The following TLL2 variants were observed in gnomAD, a reference collection of about 807,000 sequenced individuals.
TLL2 encodes tolloid-like protein 2.
In TLL2, 106 loss-of-function variants were observed where a neutral mutation model predicts 123.0. The observed-to-expected ratio is 0.86, with a 90% CI of 0.74 to 1.01. The LOEUF is 1.01. Among genes scored for constraint, TLL2 ranks in the 50% least tolerant of loss-of-function variants. The pLI is 0.00. For synonymous variants in TLL2, 494 were observed against 516.8 expected (o/e 0.96, Z 0.60); for missense variants, 1,332 against 1,336.7 (o/e 1.00, Z 0.06).
intron 6 of TLL2, among the ~76,000 whole-genome samples, chr10:96,421,938 T>A (rs192491078): frequency 2.0e-5 from 3 of 152,202 alleles, no homozygotes; most frequent in African/African-American, 7.2e-5. Context: ...CAATCCTAAA[T>A]AGCTCACAAT....
chr10:96,446,000 T>C lies in TLL2; in HGVS notation c.364+91A>G, dbSNP rs1174804720. 33 of 1,283,244 alleles carry C rather than the reference T, an allele frequency of 2.6e-5. No homozygotes were observed. In the South Asian group the frequency reaches 2.8e-4, roughly 11 times the overall value. The allele number at this position is 1,283,244 out of a possible 1,614,324, so 79.5% of individuals were successfully genotyped here. ...ATGTACTTAATGCCACTAAAGGGTA[T>C]GCTTTAAAATGGTAAGTCTTATGTC... On this transcript the variant is annotated intron_variant, in intron 3 of 20. Transcript: ENST00000357947.
intron 1 of TLL2, among the ~76,000 whole-genome samples, chr10:96,511,917 G>A (rs1352230351): frequency 1.3e-5 from 2 of 152,154 alleles, no homozygotes. Context: ...CCTCTTTTCA[G>A]GGCCAGGCTG....
chr10:96,418,141 A>T (rs569001330), intron 7 of TLL2, among the ~76,000 whole-genome samples: 2 of 152,320 alleles, frequency 1.3e-5, no homozygotes, highest in East Asian at 1.9e-4. Context: ...CTGATGGTTC[A>T]CATTGACAAT....
chr10:96,428,485 T>A (rs961071443), intron 5 of TLL2, 146 bp downstream of exon 5: 2 of 605,632 alleles, frequency 3.3e-6, no homozygotes, highest in Non-Finnish European at 5.8e-6. Context: ...TGGATTGTAA[T>A]TTCACCAAGG....
chr10:96,496,618 A>G (rs1160615874), intron 1 of TLL2, among the ~76,000 whole-genome samples: 1 of 152,186 alleles, frequency 6.6e-6, no homozygotes. Flanking sequence ...CTCCTCATCT[A>G]TATCATAATA....
intron 7 of TLL2, among the ~76,000 whole-genome samples, chr10:96,420,533 G>A (rs1253429206): frequency 6.6e-6 from 1 of 152,150 alleles, no homozygotes; most frequent in African/African-American, 2.4e-5. Context: ...AAAATGAATC[G>A]ATGATTTACA....
At chr10:96,502,500 T>A (rs1037952271) in intron 1 of TLL2, among the ~76,000 whole-genome samples, 1 of 152,058 alleles carries the variant, frequency 6.6e-6, no homozygotes, top group Non-Finnish European at 1.5e-5. Context: ...GGAAACAGAA[T>A]TGACAGCACT....
At chr10:96,458,353 G>A (rs1447904169) in intron 2 of TLL2, among the ~76,000 whole-genome samples, 2 of 151,778 alleles carry the variant, frequency 1.3e-5, no homozygotes, top group Admixed American at 6.6e-5. Context: ...TTGGGAAGCC[G>A]AGGCAGGCAG....
chr10:96,424,412 A>G (rs1462111741), intron 5 of TLL2, among the ~76,000 whole-genome samples: 1 of 152,176 alleles, frequency 6.6e-6, no homozygotes, highest in African/African-American at 2.4e-5. Context: ...GTATCAAAAC[A>G]TCTCGGGTAC....
At chr10:96,388,259 G>C (rs1846256345) in intron 13 of TLL2, among the ~76,000 whole-genome samples, 1 of 152,020 alleles carries the variant, frequency 6.6e-6, no homozygotes, top group Non-Finnish European at 1.5e-5. Context: ...AAATTAGCCG[G>C]GAGTGGTGGT....
intron 20 of TLL2, among the ~76,000 whole-genome samples, chr10:96,368,633 A>G (rs1421494363): frequency 6.6e-6 from 1 of 152,216 alleles, no homozygotes; most frequent in Non-Finnish European, 1.5e-5. Flanking sequence ...CTGACAGTAA[A>G]GGATGCACCA....
At chr10:96,425,027 G>T (rs1554935435) in intron 5 of TLL2, among the ~76,000 whole-genome samples, 1 of 149,236 alleles carries the variant, frequency 6.7e-6, no homozygotes, top group African/African-American at 2.5e-5. Context: ...TTCACAGAGA[G>T]TTATCTAAAT....
At chr10:96,445,489 T>C (rs1846889804) in intron 3 of TLL2, among the ~76,000 whole-genome samples, 1 of 152,178 alleles carries the variant, frequency 6.6e-6, no homozygotes, top group Non-Finnish European at 1.5e-5. Flanking sequence ...AACCAGCACC[T>C]CACCTGCTTC....
chr10:96,434,212 C>T (rs75382715), intron 3 of TLL2, among the ~76,000 whole-genome samples: 3,821 of 152,260 alleles, frequency 0.025, 147 homozygotes, highest in African/African-American at 0.086. Context: ...AATTCACACA[C>T]CCTATTTAGC....
intron 7 of TLL2, among the ~76,000 whole-genome samples, chr10:96,416,686 A>G (rs111329547): frequency 2.8e-3 from 422 of 152,282 alleles, no homozygotes; most frequent in Middle Eastern, 6.8e-3. Flanking sequence ...ATTGGCTCAC[A>G]CTCAGACCGC....
intron 18 of TLL2, among the ~76,000 whole-genome samples, chr10:96,375,072 T>G (rs984576250): frequency 6.6e-6 from 1 of 150,900 alleles, no homozygotes; most frequent in Non-Finnish European, 1.5e-5. Context: ...TTCAGAAGAA[T>G]GACTCCCACA....
chr10:96,504,994 C>T (rs191628979), intron 1 of TLL2, among the ~76,000 whole-genome samples: 213 of 151,992 alleles, frequency 1.4e-3, no homozygotes, highest in African/African-American at 4.9e-3. Context: ...GGCGACAGAG[C>T]GAGACTCCGT....
chr10:96,459,697 A>T (rs1297114036), intron 2 of TLL2, among the ~76,000 whole-genome samples: 4,054 of 58,068 alleles, frequency 0.07, 233 homozygotes, highest in Non-Finnish European at 0.1. Flanking sequence ...AAAAAAAAAA[A>T]AAAAAAAAAT....
rs577845874 is a variant in TLL2 at position 96,365,142 on chromosome 10, T to A, written c.*2946A>T. 1 of 152,342 alleles carries A rather than the reference T, an allele frequency of 6.6e-6. No individual in the cohort carries two copies. Among genetic ancestry groups the A allele is most frequent in the East Asian group, 1.9e-4 (1 of 5,194 alleles). 9.4% of individuals were successfully genotyped at this position (152,342 alleles called of 1,614,324 possible). ...ATCACAGAAAGAATCTTACAATGTT[T>A]TTTAAAAAGTTTACGAATTTGTGTC... On this transcript the variant is annotated 3_prime_UTR_variant, in exon 21 of 21. Transcript: ENST00000357947.
Sources: gnomAD v4.1 joint callset for allele counts (sites outside exome capture counted in the v4.1 genomes callset) on GRCh38, gnomAD v4.1.1 for gene constraint, MANE v1.5 for transcripts, NCBI Gene and HGNC (gene_info 2026-07-23, HGNC 2026-07-21) for gene names.